ADGRF5: variants seen among roughly 807,000 people sequenced by gnomAD.
ADGRF5 encodes adhesion G protein-coupled receptor F5, also known as G-protein coupled receptor 116.
A neutral mutation model predicts 132.3 loss-of-function variants in ADGRF5; 75 were observed. The ratio of observed to expected loss-of-function variants is 0.57; its 90% CI spans 0.47 to 0.69. The LOEUF (loss-of-function observed/expected upper bound fraction) is 0.69. Ranked by LOEUF, ADGRF5 falls within the 30% of genes least tolerant of loss-of-function variation. The pLI is 0.00. For synonymous variants in ADGRF5, 629 were observed against 597.6 expected (o/e 1.05, Z -0.77); for missense variants, 1,516 against 1,630.6 (o/e 0.93, Z 1.21).
chr6:46,868,769 T>G (rs1770737481), intron 12 of ADGRF5, 114 bp downstream of exon 12: 1 of 672,310 alleles, frequency 1.5e-6, no homozygotes, highest in Non-Finnish European at 2.6e-6. Context: ...ACATATTGAA[T>G]TTAAAGTGGT....
intron 14 of ADGRF5, among the ~76,000 whole-genome samples, chr6:46,864,324 G>A (rs1581748302): frequency 1.3e-5 from 2 of 152,220 alleles, no homozygotes; most frequent in Admixed American, 1.3e-4. Context: ...GGGAAAGGCA[G>A]CTGCCTATTC....
At chr6:46,930,462 G>T (rs1269636554) in intron 1 of ADGRF5, among the ~76,000 whole-genome samples, 3 of 152,040 alleles carry the variant, frequency 2.0e-5, no homozygotes, top group Non-Finnish European at 4.4e-5. Context: ...TAAACCAGCA[G>T]TTAAAGATTT....
At chr6:46,950,659 C>T (rs958858168) in intron 1 of ADGRF5, among the ~76,000 whole-genome samples, 1 of 152,146 alleles carries the variant, frequency 6.6e-6, no homozygotes, top group Non-Finnish European at 1.5e-5. Flanking sequence ...GGACTACAGG[C>T]AAGCACCACC....
chr6:46,899,658 T>C (rs1774535901), intron 3 of ADGRF5, among the ~76,000 whole-genome samples: 1 of 121,566 alleles, frequency 8.2e-6, no homozygotes, highest in Admixed American at 7.8e-5. Context: ...TAAAAGAAGT[T>C]TTTTTTTTTG....
intron 1 of ADGRF5, among the ~76,000 whole-genome samples, chr6:46,931,376 A>G (rs1285904157): frequency 6.6e-6 from 1 of 152,192 alleles, no homozygotes; most frequent in Non-Finnish European, 1.5e-5. Context: ...AAAGTCAGTC[A>G]AATCAATCTT....
chr6:46,879,569 A>G (rs1772216119), intron 9 of ADGRF5, among the ~76,000 whole-genome samples: 2 of 152,166 alleles, frequency 1.3e-5, no homozygotes, highest in African/African-American at 4.8e-5. Flanking sequence ...CTCCCCAACC[A>G]TGCAGAACTG....
intron 3 of ADGRF5, among the ~76,000 whole-genome samples, chr6:46,899,428 C>T (rs541196230): frequency 3.5e-4 from 54 of 152,200 alleles, no homozygotes; most frequent in Middle Eastern, 3.4e-3. Flanking sequence ...ACCCAGCCTG[C>T]GGCCCTGACC....
intron 1 of ADGRF5, among the ~76,000 whole-genome samples, chr6:46,937,581 CCCATATATA>C (rs1433633311): frequency 1.3e-5 from 2 of 151,996 alleles, no homozygotes; most frequent in African/African-American, 2.4e-5. Context: ...AGTACTAAAC[CCCATATATA>C]CCATTTTTTA....
chr6:46,930,454 A>G (rs1561830898), intron 1 of ADGRF5, among the ~76,000 whole-genome samples: 1 of 152,198 alleles, frequency 6.6e-6, no homozygotes, highest in Non-Finnish European at 1.5e-5. Flanking sequence ...AACTAATTTA[A>G]ACCAGCAGTT....
chr6:46,894,285 G>C (rs778322269), intron 3 of ADGRF5, among the ~76,000 whole-genome samples: 1 of 152,222 alleles, frequency 6.6e-6, no homozygotes, highest in Non-Finnish European at 1.5e-5. Flanking sequence ...TGCAGATGCA[G>C]TGAAGGGATC....
chr6:46,876,009 A>T (rs942971738), intron 10 of ADGRF5, among the ~76,000 whole-genome samples: 1 of 152,218 alleles, frequency 6.6e-6, no homozygotes, highest in Non-Finnish European at 1.5e-5. Flanking sequence ...AGTGCTTTGA[A>T]TATGCGACCA....
At chr6:46,866,427 A>T (rs1770444885) in intron 13 of ADGRF5, among the ~76,000 whole-genome samples, 1 of 152,148 alleles carries the variant, frequency 6.6e-6, no homozygotes, top group Non-Finnish European at 1.5e-5. Context: ...CTGGAGCCTT[A>T]AAACCCAAGG....
intron 1 of ADGRF5, among the ~76,000 whole-genome samples, chr6:46,931,020 C>T (rs190562705): frequency 6.6e-6 from 1 of 151,996 alleles, no homozygotes; most frequent in Admixed American, 6.6e-5. Flanking sequence ...CACCACTGCA[C>T]CCCAGGCTGG....
chr6:46,897,145 TACACACACACAC>T lies in ADGRF5; in HGVS notation c.157+2872_157+2883del, dbSNP rs10655432. Among the ~76,000 whole-genome samples, 1,020 of 141,874 alleles carry T rather than the reference TACACACACACAC, an allele frequency of 7.2e-3. 13 individuals carry two copies. The highest frequency in any genetic ancestry group is 0.026 in the African/African-American group (967 of 37,784). The allele number at this position is 141,874 out of a possible 152,430, so 93.1% of individuals were successfully genotyped here. ...ACACAGACATATGCATGCATATATA[TACACACACACAC>T]ACACACACACACACACACACATATA... On this transcript the variant is annotated intron_variant, in intron 3 of 20. Transcript: ENST00000283296.
At chr6:46,946,790 C>T (rs1778319419) in intron 1 of ADGRF5, among the ~76,000 whole-genome samples, 1 of 152,176 alleles carries the variant, frequency 6.6e-6, no homozygotes, top group Admixed American at 6.5e-5. Context: ...GAAGGCACAG[C>T]CGTTTCCTGA....
At chr6:46,903,319 G>A (rs998217224) in intron 2 of ADGRF5, among the ~76,000 whole-genome samples, 8 of 151,988 alleles carry the variant, frequency 5.3e-5, no homozygotes, top group African/African-American at 1.9e-4. Context: ...TCTGTGTAGA[G>A]GTCCCCAGGG....
At chr6:46,948,749 T>C (rs1181085633) in intron 1 of ADGRF5, among the ~76,000 whole-genome samples, 1 of 152,208 alleles carries the variant, frequency 6.6e-6, no homozygotes, top group Non-Finnish European at 1.5e-5. Context: ...GGAATATTTT[T>C]GGATGACTAC....
rs76524743 is a variant in ADGRF5, at chr6:46,908,348, G to A, written c.-24-1562C>T. Among the ~76,000 whole-genome samples, 24 of 152,246 alleles carry A rather than the reference G, an allele frequency of 1.6e-4. 1 individual carries two copies. In the East Asian group the frequency reaches 3.9e-3, roughly 25 times the overall value. On this transcript the variant is annotated intron_variant, in intron 1 of 20. Transcript: ENST00000283296. ...AGTGTGTCTTTGTGGGTATTGAACA[G>A]GCTAATACAGAATGAGTCAGGTATT... is the stretch of plus-strand genomic sequence containing the variant.
At chr6:46,882,414 A>G (rs1002074187) in intron 6 of ADGRF5, among the ~76,000 whole-genome samples, 3 of 152,308 alleles carry the variant, frequency 2.0e-5, no homozygotes, top group Non-Finnish European at 4.4e-5. Context: ...AAAGAGAGGG[A>G]AGGAAGGTTG....
Sources: allele counts gnomAD v4.1 joint callset (sites outside exome capture counted in the v4.1 genomes callset), GRCh38; gene constraint gnomAD v4.1.1; transcripts MANE v1.5; gene names NCBI Gene and HGNC (gene_info 2026-07-23, HGNC 2026-07-21).